The following GABBR2 variants were observed in gnomAD, a reference collection of about 807,000 sequenced individuals.
GABBR2 encodes gamma-aminobutyric acid type B receptor subunit 2.
GABBR2 carries 23 observed loss-of-function variants against 105.6 expected under a neutral mutation model. The observed-to-expected ratio is 0.22, with a 90% CI of 0.16 to 0.31. GABBR2 has a LOEUF of 0.31. GABBR2 is among the 10% of genes least tolerant of loss of function. The pLI is 1.00. For missense variants in GABBR2, 734 were observed against 1,245.5 expected (o/e 0.59, Z 6.18); for synonymous variants, 478 against 499.7 (o/e 0.96, Z 0.58).
At chr9:98,589,711 CTT>C (rs561852717) in intron 1 of GABBR2, among the ~76,000 whole-genome samples, 93 of 132,638 alleles carry the variant, frequency 7.0e-4, no homozygotes, top group Admixed American at 1.2e-3. Flanking sequence ...GTTTGGCTGT[CTT>C]TTTTTTTTTT....
intron 13 of GABBR2, among the ~76,000 whole-genome samples, chr9:98,333,731 G>A (rs193024919): frequency 1.3e-5 from 2 of 152,326 alleles, no homozygotes; most frequent in African/African-American, 4.8e-5. Context: ...ATATCGTTTA[G>A]GGGGAATGAC....
At chr9:98,592,065 C>G (rs1335786285) in intron 1 of GABBR2, among the ~76,000 whole-genome samples, 1 of 152,216 alleles carries the variant, frequency 6.6e-6, no homozygotes, top group Non-Finnish European at 1.5e-5. Flanking sequence ...GGAACAACCG[C>G]CATCTTGAAT....
chr9:98,607,005 C>T, intron 1 of GABBR2: 3 of 959,084 alleles, frequency 3.1e-6, no homozygotes, highest in East Asian at 2.4e-5. Flanking sequence ...GGTAGCTCAA[C>T]AGAAGACCCC....
Position 98,543,097 on chromosome 9 carries a change from TTTTTC to T in GABBR2, c.460-1059_460-1055del, listed in dbSNP as rs573307625. ...CCATCGTTCTCTTTATTATTTCTTC[TTTTTC>T]TTTTAAGTGCCAGTTAAGTTGTTAA... is the stretch of plus-strand genomic sequence containing the variant. On this transcript the variant is annotated intron_variant, in intron 2 of 18. Coordinates refer to ENST00000259455, the MANE Select transcript of GABBR2 (RefSeq NM_005458.8). Among the ~76,000 whole-genome samples the T allele has an allele frequency of 1.3e-4, 20 of 152,258 alleles. No homozygotes were observed. In the East Asian group the frequency reaches 3.1e-3, roughly 24 times the overall value.
At chr9:98,698,524 G>A (rs1830786369) in intron 1 of GABBR2, among the ~76,000 whole-genome samples, 1 of 150,610 alleles carries the variant, frequency 6.6e-6, no homozygotes, top group Non-Finnish European at 1.5e-5. Flanking sequence ...TTTTGAGATG[G>A]AGTCTCATTC....
intron 1 of GABBR2, among the ~76,000 whole-genome samples, chr9:98,589,111 C>T (rs1403671263): frequency 1.3e-5 from 2 of 152,210 alleles, no homozygotes. Flanking sequence ...GGGCTCCTCA[C>T]TTCTGGCCAG....
chr9:98,678,206 A>G (rs1038725470), intron 1 of GABBR2, among the ~76,000 whole-genome samples: 1 of 152,116 alleles, frequency 6.6e-6, no homozygotes, highest in Non-Finnish European at 1.5e-5. Flanking sequence ...TCTTTTTGCC[A>G]ACTCATTATT....
chr9:98,496,788 T>TCAA, intron 3 of GABBR2, among the ~76,000 whole-genome samples: 1 of 152,202 alleles, frequency 6.6e-6, no homozygotes, highest in South Asian at 2.1e-4. Flanking sequence ...GAGTCAAGAT[T>TCAA]AGCACCTTTG....
At chr9:98,520,959 C>A (rs994247967) in intron 3 of GABBR2, among the ~76,000 whole-genome samples, 2 of 152,036 alleles carry the variant, frequency 1.3e-5, no homozygotes, top group African/African-American at 2.4e-5. Flanking sequence ...ATGAAGAAAG[C>A]CAATATAAAT....
intron 1 of GABBR2, among the ~76,000 whole-genome samples, chr9:98,605,536 G>A (rs1008409082): frequency 6.6e-6 from 1 of 152,186 alleles, no homozygotes; most frequent in African/African-American, 2.4e-5. Context: ...GATTCCTCAG[G>A]GGCCCACTTC....
At chr9:98,363,183 T>C (rs1252302373) in intron 12 of GABBR2, among the ~76,000 whole-genome samples, 4 of 152,210 alleles carry the variant, frequency 2.6e-5, no homozygotes, top group African/African-American at 9.6e-5. Context: ...AAACTTCTAA[T>C]AATCCTTAAA....
At chr9:98,608,054 G>C in intron 1 of GABBR2, 1 of 1,306,156 alleles carries the variant, frequency 7.7e-7, no homozygotes. Context: ...AAGCAAACTG[G>C]GAAGCTCAAC....
At chr9:98,634,824 G>A (rs1477779580) in intron 1 of GABBR2, among the ~76,000 whole-genome samples, 7 of 152,136 alleles carry the variant, frequency 4.6e-5, no homozygotes, top group African/African-American at 1.2e-4. Flanking sequence ...GAACTGGAAC[G>A]CATGCGACCC....
intron 18 of GABBR2, among the ~76,000 whole-genome samples, chr9:98,293,481 T>A (rs1830333020): frequency 1.3e-5 from 2 of 152,228 alleles, no homozygotes. Flanking sequence ...TTAGCAAGGT[T>A]AAATTTTACA....
intron 17 of GABBR2, among the ~76,000 whole-genome samples, chr9:98,296,524 C>T (rs1473118681): frequency 2.6e-5 from 4 of 152,180 alleles, no homozygotes; most frequent in South Asian, 4.1e-4. Flanking sequence ...TCTCTTATAA[C>T]CTGTTGCCTG....
intron 2 of GABBR2, among the ~76,000 whole-genome samples, chr9:98,550,996 A>G (rs1249256075): frequency 6.6e-6 from 1 of 152,172 alleles, no homozygotes; most frequent in Non-Finnish European, 1.5e-5. Context: ...AGCCTGCTTG[A>G]CAGTGGATAG....
intron 11 of GABBR2, among the ~76,000 whole-genome samples, chr9:98,373,917 G>T (rs1214674267): frequency 2.1e-5 from 3 of 142,640 alleles, no homozygotes; most frequent in African/African-American, 8.2e-5. Flanking sequence ...GAGTACAGTG[G>T]TACAATCACA....
intron 1 of GABBR2, among the ~76,000 whole-genome samples, chr9:98,613,481 CT>C (rs1307075413): frequency 6.6e-6 from 1 of 151,900 alleles, no homozygotes; most frequent in African/African-American, 2.4e-5. Flanking sequence ...TACTTTCTAC[CT>C]TTTGAATCTG....
At chr9:98,301,330 C>T (rs1393529032) in intron 16 of GABBR2, among the ~76,000 whole-genome samples, 3 of 152,168 alleles carry the variant, frequency 2.0e-5, no homozygotes, top group South Asian at 4.1e-4. Context: ...AGGCACCCAG[C>T]GGGTGCCTGC....
Sources: gnomAD v4.1 joint callset for allele counts (sites outside exome capture counted in the v4.1 genomes callset) on GRCh38, gnomAD v4.1.1 for gene constraint, MANE v1.5 for transcripts, NCBI Gene and HGNC (gene_info 2026-07-23, HGNC 2026-07-21) for gene names.